The following CHUK variants were observed in gnomAD, a reference collection of about 807,000 sequenced individuals.
CHUK encodes component of inhibitor of nuclear factor kappa B kinase complex.
A neutral mutation model predicts 104.8 loss-of-function variants in CHUK; 35 were observed. The ratio of observed to expected loss-of-function variants is 0.33; its 90% CI spans 0.26 to 0.44. The LOEUF (loss-of-function observed/expected upper bound fraction) is 0.44, where lower values mean the gene tolerates loss of function less well. CHUK is among the 20% of genes least tolerant of loss of function. The pLI is 1.00. For missense variants in CHUK, 663 were observed against 902.7 expected (o/e 0.73, Z 3.40); for synonymous variants, 276 against 291.9 (o/e 0.95, Z 0.56).
chr10:100,210,324 T>A (rs555861431), intron 9 of CHUK, among the ~76,000 whole-genome samples: 1 of 151,990 alleles, frequency 6.6e-6, no homozygotes, highest in Non-Finnish European at 1.5e-5. Flanking sequence ...CCTGACCTCG[T>A]GATCCGCCCG....
chr10:100,221,370 G>A (rs1314707693), intron 4 of CHUK, among the ~76,000 whole-genome samples: 1 of 152,062 alleles, frequency 6.6e-6, no homozygotes, highest in African/African-American at 2.4e-5. Flanking sequence ...GGGAGGCAGA[G>A]GTTACAGTAA....
In CHUK at chr10:100,204,533, A is replaced by C; in HGVS notation, c.1480T>G (p.Tyr494Asp). ...ATCCCATACGTCATCTGCTCGCTGTATCTCTCCAAGTCAAGCTGAATGCTT... is the reference window on the plus strand; with the variant it reads ...ATCCCATACGTCATCTGCTCGCTGTCTCTCTCCAAGTCAAGCTGAATGCTT... ...HKSIQLDLER[Y>D]SEQMTYGISS... Residue 494 changes from tyrosine (Y) to aspartate (D), a missense_variant, in exon 13 of 21, where the codon TAC becomes GAC. Physicochemically the swap from Tyr to Asp is radical, Grantham distance 160. Coordinates refer to ENST00000370397, the MANE Select transcript of CHUK (RefSeq NM_001278.5). 1 of 1,613,752 alleles carries C rather than the reference A, an allele frequency of 6.2e-7. No homozygotes were observed. The highest frequency in any genetic ancestry group is 8.5e-7 in the Non-Finnish European group (1 of 1,179,782).
At chr10:100,218,586 A>T (rs1845914746) in intron 8 of CHUK, 132 bp downstream of exon 8, 1 of 718,438 alleles carries the variant, frequency 1.4e-6, no homozygotes, top group Non-Finnish European at 2.5e-6. Flanking sequence ...TGGCCAACAG[A>T]AATATAGAAG....
At chr10:100,197,594 C>CA (rs1282372892) in intron 16 of CHUK, among the ~76,000 whole-genome samples, 2 of 152,156 alleles carry the variant, frequency 1.3e-5, no homozygotes, top group South Asian at 2.1e-4. Flanking sequence ...TAAAAACAAA[C>CA]AAAAAAACCT....
intron 9 of CHUK, among the ~76,000 whole-genome samples, chr10:100,213,550 C>T (rs989368674): frequency 8.6e-5 from 13 of 151,924 alleles, no homozygotes; most frequent in African/African-American, 3.1e-4. Context: ...GAGACAGAGT[C>T]TCTCTCTGTC....
chr10:100,197,778 C>T (rs571392625), intron 16 of CHUK, among the ~76,000 whole-genome samples: 3 of 152,218 alleles, frequency 2.0e-5, no homozygotes, highest in African/African-American at 4.8e-5. Context: ...ACTTGAGATA[C>T]TTGGAAGCCT....
intron 1 of CHUK, among the ~76,000 whole-genome samples, chr10:100,229,154 C>G (rs1231221811): frequency 1.3e-5 from 2 of 152,156 alleles, no homozygotes; most frequent in Admixed American, 6.5e-5. Context: ...GACACACACG[C>G]ACTGTCACAC....
At chr10:100,205,256 T>A in intron 11 of CHUK, 57 bp from the exon 12 acceptor site, 1 of 1,558,040 alleles carries the variant, frequency 6.4e-7, no homozygotes, top group African/African-American at 1.4e-5. Flanking sequence ...TTGAGGATTT[T>A]AGAGTTGATT....
At chr10:100,194,759 G>C in intron 16 of CHUK, 1 of 328,988 alleles carries the variant, frequency 3.0e-6, no homozygotes, top group South Asian at 3.5e-5. Flanking sequence ...TTATCAGTAA[G>C]AGACCTTAGT....
At chr10:100,194,741 A>G in intron 16 of CHUK, 1 of 366,308 alleles carries the variant, frequency 2.7e-6, no homozygotes, top group Admixed American at 4.1e-5. Flanking sequence ...TATAATGTAT[A>G]TATAAATTTA....
At chr10:100,216,023 T>C (rs1845847343) in intron 9 of CHUK, among the ~76,000 whole-genome samples, 1 of 152,228 alleles carries the variant, frequency 6.6e-6, no homozygotes, top group Non-Finnish European at 1.5e-5. Flanking sequence ...TTGAGGAAGA[T>C]ATTACTGTCC....
At chr10:100,212,604 C>T (rs561949488) in intron 9 of CHUK, among the ~76,000 whole-genome samples, 2 of 152,232 alleles carry the variant, frequency 1.3e-5, no homozygotes, top group African/African-American at 4.8e-5. Context: ...GTTGCTTTTT[C>T]GTTTTGTTGA....
intron 9 of CHUK, among the ~76,000 whole-genome samples, chr10:100,216,024 A>G (rs1845847398): frequency 6.6e-6 from 1 of 152,236 alleles, no homozygotes; most frequent in Non-Finnish European, 1.5e-5. Flanking sequence ...TGAGGAAGAT[A>G]TTACTGTCCT....
chr10:100,208,356 T>C (rs1367847067), intron 10 of CHUK, among the ~76,000 whole-genome samples: 2 of 152,220 alleles, frequency 1.3e-5, no homozygotes, highest in Non-Finnish European at 1.5e-5. Context: ...TCCACCCACC[T>C]TGGGTTCCCA....
intron 11 of CHUK, among the ~76,000 whole-genome samples, chr10:100,206,194 A>T (rs7905012): frequency 0.076 from 11,578 of 152,202 alleles, 787 homozygotes; most frequent in African/African-American, 0.18. Flanking sequence ...ATTAATAATA[A>T]ATGGGTTCAT....
chr10:100,191,750 A>C (rs1845210168), intron 19 of CHUK, among the ~76,000 whole-genome samples: 1 of 152,222 alleles, frequency 6.6e-6, no homozygotes, highest in Non-Finnish European at 1.5e-5. Context: ...AGATGGAAAA[A>C]TTATGGTCAA....
chr10:100,201,971 T>G, intron 14 of CHUK, 117 bp downstream of exon 14: 1 of 800,168 alleles, frequency 1.2e-6, no homozygotes, highest in Non-Finnish European at 2.2e-6. Flanking sequence ...CTACTAGAAT[T>G]TTGTCTGAAT....
chr10:100,208,105 A>G (rs772319690), intron 10 of CHUK, among the ~76,000 whole-genome samples: 1 of 152,042 alleles, frequency 6.6e-6, no homozygotes, highest in Non-Finnish European at 1.5e-5. Context: ...TTCAAATACA[A>G]AAAGAAATTT....
intron 6 of CHUK, 46 bp downstream of exon 6, chr10:100,219,224 A>G: frequency 6.5e-7 from 1 of 1,544,684 alleles, no homozygotes; most frequent in Admixed American, 1.7e-5. Flanking sequence ...CAGAAATAAG[A>G]GAATCCTATA....
Sources: allele counts gnomAD v4.1 joint callset (sites outside exome capture counted in the v4.1 genomes callset), GRCh38; gene constraint gnomAD v4.1.1; transcripts MANE v1.5; gene names NCBI Gene and HGNC (gene_info 2026-07-23, HGNC 2026-07-21).